MCTP1: variants seen among roughly 807,000 people sequenced by gnomAD.
MCTP1 encodes the protein multiple C2 and transmembrane domain-containing protein 1.
In MCTP1, 69 loss-of-function variants were observed where a neutral mutation model predicts 120.6. That is an observed-to-expected ratio of 0.57 (90% CI 0.47 to 0.70). The LOEUF is 0.70. Ranked by LOEUF, MCTP1 falls within the 30% of genes least tolerant of loss-of-function variation. The pLI, the probability that MCTP1 is intolerant of heterozygous loss-of-function variation, is 0.00. For synonymous variants in MCTP1, 529 were observed against 493.1 expected, an observed-to-expected ratio of 1.07 and a Z score of -0.96; for missense variants, 1,203 against 1,248.8, an observed-to-expected ratio of 0.96 and a Z score of 0.55.
At chr5:94,867,235 A>G in intron 17 of MCTP1, 1 of 1,436,528 alleles carries the variant, frequency 7.0e-7, no homozygotes, top group Non-Finnish European at 9.1e-7. Context: ...TCTAAAACTT[A>G]ACGATAATGA....
chr5:95,008,675 T>C (rs1835253599), intron 2 of MCTP1, among the ~76,000 whole-genome samples: 1 of 152,160 alleles, frequency 6.6e-6, no homozygotes, highest in African/African-American at 2.4e-5. Flanking sequence ...GTAATTAAGT[T>C]AAAGATCTTG....
chr5:95,098,360 T>A (rs982419588), intron 1 of MCTP1, among the ~76,000 whole-genome samples: 1 of 152,220 alleles, frequency 6.6e-6, no homozygotes, highest in Admixed American at 6.5e-5. Context: ...AATCTTGATG[T>A]GTCATTTGTC....
chr5:95,201,031 T>C (rs1750950931), intron 1 of MCTP1, among the ~76,000 whole-genome samples: 3 of 152,236 alleles, frequency 2.0e-5, no homozygotes, highest in Admixed American at 2.0e-4. Flanking sequence ...GTAGAGTTCA[T>C]TGAAAATGTG....
chr5:95,107,705 A>G (rs1192932524), intron 1 of MCTP1, among the ~76,000 whole-genome samples: 1 of 152,244 alleles, frequency 6.6e-6, no homozygotes, highest in Non-Finnish European at 1.5e-5. Context: ...TTCTAAAAGT[A>G]TTCCTTTCTT....
intron 1 of MCTP1, among the ~76,000 whole-genome samples, chr5:95,147,220 G>T (rs1353541767): frequency 2.0e-5 from 3 of 152,076 alleles, no homozygotes; most frequent in African/African-American, 7.2e-5. Flanking sequence ...CTGAGCAGCT[G>T]GGACTACAGG....
At chr5:95,131,711 G>T (rs1477765090) in intron 1 of MCTP1, among the ~76,000 whole-genome samples, 3 of 151,956 alleles carry the variant, frequency 2.0e-5, no homozygotes, top group African/African-American at 4.8e-5. Flanking sequence ...TCTAGGACAG[G>T]GATCTCTGTC....
chr5:94,908,192 A>G, intron 10 of MCTP1, among the ~76,000 whole-genome samples: 1 of 151,486 alleles, frequency 6.6e-6, no homozygotes, highest in African/African-American at 2.4e-5. Flanking sequence ...TAATTAAGGG[A>G]AAAAATGTGC....
chr5:94,885,809 T>C (rs951368030), intron 12 of MCTP1, among the ~76,000 whole-genome samples: 3 of 152,140 alleles, frequency 2.0e-5, no homozygotes, highest in African/African-American at 7.2e-5. Flanking sequence ...TCAAATTTTT[T>C]CCCTTACGAA....
intron 1 of MCTP1, among the ~76,000 whole-genome samples, chr5:95,125,357 A>G (rs922521290): frequency 1.3e-5 from 2 of 152,204 alleles, no homozygotes; most frequent in African/African-American, 4.8e-5. Context: ...CAGAGCAACA[A>G]TATAATCACA....
chr5:95,019,205 C>T (rs142056070), intron 1 of MCTP1, among the ~76,000 whole-genome samples: 122 of 152,134 alleles, frequency 8.0e-4, no homozygotes, highest in Middle Eastern at 6.8e-3. Flanking sequence ...AATATACATA[C>T]GTTTTGTACA....
intron 2 of MCTP1, among the ~76,000 whole-genome samples, chr5:95,009,126 G>A (rs138321113): frequency 6.7e-6 from 1 of 149,922 alleles, no homozygotes; most frequent in African/African-American, 2.5e-5. Context: ...GGGAGGGAAT[G>A]CTGCCTTACC....
chr5:95,176,604 T>C (rs1297415357), intron 1 of MCTP1, among the ~76,000 whole-genome samples: 5 of 152,102 alleles, frequency 3.3e-5, no homozygotes, highest in Admixed American at 3.3e-4. Context: ...TATACATACT[T>C]TGGGAGGCCA....
chr5:95,097,495 C>A (rs1756361756), intron 1 of MCTP1, among the ~76,000 whole-genome samples: 1 of 152,220 alleles, frequency 6.6e-6, no homozygotes, highest in Non-Finnish European at 1.5e-5. Flanking sequence ...GTGGCCAGAG[C>A]ACTGAGAAAG....
At chr5:94,796,563 G>T (rs1780057645) in intron 18 of MCTP1, among the ~76,000 whole-genome samples, 1 of 141,636 alleles carries the variant, frequency 7.1e-6, no homozygotes, top group Non-Finnish European at 1.5e-5. Flanking sequence ...ATATGTGTGT[G>T]TGTGTGTGTA....
intron 17 of MCTP1, among the ~76,000 whole-genome samples, chr5:94,827,286 G>T (rs1282995696): frequency 2.0e-5 from 3 of 152,132 alleles, no homozygotes; most frequent in Admixed American, 6.5e-5. Flanking sequence ...TAAGAGTGTT[G>T]AATATTGGCC....
chr5:95,003,638 G>C (rs1562000355), intron 2 of MCTP1, among the ~76,000 whole-genome samples: 2 of 152,140 alleles, frequency 1.3e-5, no homozygotes, highest in Non-Finnish European at 2.9e-5. Flanking sequence ...GAATACAGTA[G>C]GTCCTCACTC....
rs1817221880 is a variant in MCTP1 at position 94,940,147 on chromosome 5, A to T, written c.1110T>A (p.His370Gln). Residue 370 changes from histidine to glutamine, a missense_variant, in exon 5 of 23, where the codon CAT becomes CAA. Physicochemically the swap from His to Gln is conservative, Grantham distance 24. This residue lies in a region of MCTP1 where 740 missense variants were observed against 871.1 expected (regional missense o/e 0.85). Coordinates refer to ENST00000515393, the MANE Select transcript of MCTP1 (RefSeq NM_024717.7). The part of the protein sequence containing the change: ...LTLKDPHYPD[H>Q]DLGIILLSVI... ...CTGAGAGCAAAATGATTCCAAGATC[A>T]TGGTCAGGATAATGAGGATCTTTCA... 2 of 1,609,582 alleles carry T rather than the reference A, an allele frequency of 1.2e-6. No individual in the cohort carries two copies. The highest frequency in any genetic ancestry group is 1.7e-5 in the Admixed American group (1 of 59,876).
In MCTP1 at chr5:95,245,984, G is replaced by A. The variant is rs181425799; in HGVS notation, c.720+37872C>T. Among the ~76,000 whole-genome samples the A allele has an allele frequency of 7.6e-3, 1,155 of 151,420 alleles. 6 individuals carry two copies. The highest frequency in any genetic ancestry group is 0.013 in the Non-Finnish European group (859 of 67,600). ...CCATCAGACTAACAGCGGATCTCTC[G>A]GCAGAAACCCTACAAGCCAGAAGAG... On this transcript the variant is annotated intron_variant, in intron 1 of 22. Transcript: ENST00000515393.
chr5:94,770,806 G>A (rs1383214432), intron 19 of MCTP1, among the ~76,000 whole-genome samples: 1 of 152,194 alleles, frequency 6.6e-6, no homozygotes, highest in Non-Finnish European at 1.5e-5. Flanking sequence ...ATGATGGAGA[G>A]TTTTCAAAAG....
Sources: allele counts gnomAD v4.1 joint callset (sites outside exome capture counted in the v4.1 genomes callset), GRCh38; gene constraint gnomAD v4.1.1; regional missense constraint gnomAD v4.1.1; transcripts MANE v1.5; gene names NCBI Gene and HGNC (gene_info 2026-07-23, HGNC 2026-07-21).